Variants in ARHGEF12 observed in about 807,000 individuals in gnomAD.
ARHGEF12 encodes the protein KMT2A/ARHGEF12 fusion protein.
A neutral mutation model predicts 211.2 loss-of-function variants in ARHGEF12; 66 were observed. That is an observed-to-expected ratio of 0.31 (90% CI 0.26 to 0.38). The LOEUF (loss-of-function observed/expected upper bound fraction) is 0.38, where lower values mean the gene tolerates loss of function less well. Among genes scored for constraint, ARHGEF12 ranks in the 10% least tolerant of loss-of-function variants. ARHGEF12 has a pLI of 1.00. For missense variants in ARHGEF12, 1,429 were observed against 1,869.5 expected, an observed-to-expected ratio of 0.76 and a Z score of 4.34; for synonymous variants, 592 against 638.4, an observed-to-expected ratio of 0.93 and a Z score of 1.09.
chr11:120,345,701 C>CAAAAAAAA (rs34619240), intron 1 of ARHGEF12, among the ~76,000 whole-genome samples: 1 of 78,360 alleles, frequency 1.3e-5, no homozygotes, highest in Admixed American at 1.7e-4. Flanking sequence ...GACTCCGTCT[C>CAAAAAAAA]AAAAAAAAAA....
intron 28 of ARHGEF12, among the ~76,000 whole-genome samples, chr11:120,465,820 A>T (rs1277258467): frequency 2.3e-4 from 35 of 152,234 alleles, no homozygotes; most frequent in Non-Finnish European, 2.1e-4. Context: ...AGGTACAAAA[A>T]TGACTTTGGA....
At chr11:120,425,760 T>TAA (rs35751948) in intron 7 of ARHGEF12, among the ~76,000 whole-genome samples, 48 of 137,130 alleles carry the variant, frequency 3.5e-4, no homozygotes, top group Middle Eastern at 3.7e-3. Context: ...TTGTATCTCT[T>TAA]AAAAAAAAAA....
intron 39 of ARHGEF12, among the ~76,000 whole-genome samples, chr11:120,483,691 T>C (rs1036134489): frequency 6.6e-6 from 1 of 152,080 alleles, no homozygotes; most frequent in Admixed American, 6.6e-5. Context: ...CTCTCCTCAC[T>C]GCAAGCTCCA....
chr11:120,339,607 G>A (rs888773739), intron 1 of ARHGEF12, among the ~76,000 whole-genome samples: 1 of 152,184 alleles, frequency 6.6e-6, no homozygotes, highest in African/African-American at 2.4e-5. Context: ...GAACCACCAG[G>A]CCAGCTGTGT....
At chr11:120,404,963 AC>A (rs1944655854) in intron 1 of ARHGEF12, among the ~76,000 whole-genome samples, 2 of 151,446 alleles carry the variant, frequency 1.3e-5, no homozygotes, top group South Asian at 4.2e-4. Flanking sequence ...TTGTCCCAGA[AC>A]CCCCTTTACT....
intron 22 of ARHGEF12, among the ~76,000 whole-genome samples, chr11:120,454,780 T>A (rs187121811): frequency 6.6e-6 from 1 of 152,340 alleles, no homozygotes. Flanking sequence ...TCCATAGAGA[T>A]ACTTGAGTGT....
intron 1 of ARHGEF12, among the ~76,000 whole-genome samples, chr11:120,388,153 T>G (rs1488222546): frequency 6.6e-6 from 1 of 152,178 alleles, no homozygotes; most frequent in Non-Finnish European, 1.5e-5. Flanking sequence ...TATAGAGTAG[T>G]TTGAATTTTC....
rs1209746890 is a variant in ARHGEF12, at chr11:120,480,076, A to C, written c.3883A>C (p.Ser1295Arg). 6.2e-7 allele frequency: 1 copy of C among 1,614,218 alleles called. No homozygotes were observed. Among genetic ancestry groups the C allele is most frequent in the East Asian group, 2.2e-5 (1 of 44,890 alleles). Reference sequence around the variant, plus strand: ...AGCCTCTCAGGGGCCGCAGACAGACAGTGTCATCCAGAACTCTGAAAATAT... The same window carrying C: ...AGCCTCTCAGGGGCCGCAGACAGACCGTGTCATCCAGAACTCTGAAAATAT... ...RTASQGPQTD[S>R]VIQNSENIKA... is the part of the protein sequence containing the mutation. Residue 1295 changes from serine (S) to arginine (R), a missense_variant, in exon 38 of 41, where the codon AGT (serine) becomes CGT (arginine). By Grantham distance (110) the Ser-to-Arg change is moderately radical. This residue lies in a region of ARHGEF12 where 467 missense variants were observed against 468.4 expected (regional missense o/e 1.00). Coordinates refer to ENST00000397843, the MANE Select transcript of ARHGEF12 (RefSeq NM_015313.3).
intron 1 of ARHGEF12, among the ~76,000 whole-genome samples, chr11:120,366,860 T>C (rs528086027): frequency 2.0e-5 from 3 of 151,962 alleles, no homozygotes; most frequent in Admixed American, 6.5e-5. Context: ...ACCAAAAATA[T>C]AAAAAATTAG....
chr11:120,398,313 G>T (rs1287781013), intron 1 of ARHGEF12, among the ~76,000 whole-genome samples: 3 of 152,198 alleles, frequency 2.0e-5, no homozygotes, highest in Non-Finnish European at 2.9e-5. Flanking sequence ...CTGAGATGTT[G>T]TAAGAGGAAT....
chr11:120,351,433 ATATATATATATATATATATATATTT>A (rs1280841656), intron 1 of ARHGEF12, among the ~76,000 whole-genome samples: 57 of 3,712 alleles, frequency 0.015, 1 homozygote, highest in African/African-American at 0.044. Context: ...ATATATATAT[ATATATATATATATATATATATATTT>A]TTTTTTTTTT....
rs1025226404 is a variant in ARHGEF12, at chr11:120,489,747, A to T, written c.*4670A>T. On this transcript the variant is annotated 3_prime_UTR_variant, in exon 41 of 41. Coordinates refer to ENST00000397843, the MANE Select transcript of ARHGEF12 (RefSeq NM_015313.3). Reference sequence around the variant, plus strand: ...ACATTTTAAAGATTAAGACTATTCAAATGTACTTTGCGGAAATTAACCTGT... The same window carrying T: ...ACATTTTAAAGATTAAGACTATTCATATGTACTTTGCGGAAATTAACCTGT... 2 of 196,060 alleles carry T rather than the reference A, an allele frequency of 1.0e-5. No homozygotes were observed. Among genetic ancestry groups the T allele is most frequent in the African/African-American group, 2.3e-5 (1 of 43,240 alleles). 12.1% of individuals were successfully genotyped at this position (196,060 alleles called of 1,614,324 possible). A position where few individuals can be genotyped will look rare whatever the true frequency, so the allele number is the denominator to read the frequency against.
chr11:120,448,273 T>C lies in ARHGEF12; in HGVS notation c.1662T>C (p.His554=). 6.2e-7 allele frequency: 1 copy of C among 1,614,170 alleles called. No individual in the cohort carries two copies. The highest frequency in any genetic ancestry group is 8.5e-7 in the Non-Finnish European group (1 of 1,179,998). The stretch of plus-strand genomic sequence containing the variant: ...ATGTTATTCTCATGTATATGAAGCA[T>C]TTGGGAGTAAAAGTGAAAGAGCCTC... ...MQYVILMYMK[H]LGVKVKEPRN... is the part of the protein sequence containing the mutation. Residue 554 remains histidine (H), a synonymous_variant, in exon 20 of 41, where the codon CAT becomes CAC. Coordinates refer to ENST00000397843, the MANE Select transcript of ARHGEF12 (RefSeq NM_015313.3).
At chr11:120,404,161 G>T (rs751058914) in intron 1 of ARHGEF12, among the ~76,000 whole-genome samples, 2 of 152,138 alleles carry the variant, frequency 1.3e-5, no homozygotes, top group Non-Finnish European at 2.9e-5. Flanking sequence ...ACTCAAATCT[G>T]CAACTTTAGC....
chr11:120,379,672 TTTGAC>T (rs1226757999), intron 1 of ARHGEF12, among the ~76,000 whole-genome samples: 2 of 152,122 alleles, frequency 1.3e-5, no homozygotes, highest in Non-Finnish European at 2.9e-5. Flanking sequence ...CTTTCTTTTT[TTTGAC>T]TTGCCAGGAG....
At chr11:120,385,443 C>G (rs1377946605) in intron 1 of ARHGEF12, 2 of 985,256 alleles carry the variant, frequency 2.0e-6, no homozygotes, top group Non-Finnish European at 2.4e-6. Context: ...TGGAAACGAG[C>G]CTTTTGAGCT....
chr11:120,394,361 C>T (rs1385658807), intron 1 of ARHGEF12, among the ~76,000 whole-genome samples: 1 of 151,486 alleles, frequency 6.6e-6, no homozygotes, highest in Non-Finnish European at 1.5e-5. Flanking sequence ...CAGGTGTGCC[C>T]CACTAATTTT....
intron 1 of ARHGEF12, among the ~76,000 whole-genome samples, chr11:120,404,292 C>T (rs1944626904): frequency 6.6e-6 from 1 of 152,122 alleles, no homozygotes; most frequent in South Asian, 2.1e-4. Flanking sequence ...ACTTTCCTAG[C>T]TGAAGCAGAG....
At chr11:120,445,931 G>A (rs1419483945) in intron 16 of ARHGEF12, among the ~76,000 whole-genome samples, 1 of 151,590 alleles carries the variant, frequency 6.6e-6, no homozygotes, top group African/African-American at 2.4e-5. Context: ...GGGCGCAGTG[G>A]CTCACGCCTG....
Sources: gnomAD v4.1 joint callset for allele counts (sites outside exome capture counted in the v4.1 genomes callset) on GRCh38, gnomAD v4.1.1 for gene constraint, gnomAD v4.1.1 regional missense constraint, MANE v1.5 for transcripts, NCBI Gene and HGNC (gene_info 2026-07-23, HGNC 2026-07-21) for gene names.